The following MAPK10 variants were observed in gnomAD, a reference collection of about 807,000 sequenced individuals.
The protein encoded by MAPK10 is mitogen-activated protein kinase 10.
MAPK10 carries 25 observed loss-of-function variants against 59.3 expected under a neutral mutation model. The observed-to-expected ratio is 0.42, with a 90% confidence interval of 0.31 to 0.59. MAPK10 has a LOEUF of 0.59. Ranked by LOEUF, MAPK10 falls within the 20% of genes least tolerant of loss-of-function variation. The pLI is 0.15. For missense variants in MAPK10, 351 were observed against 568.9 expected, an observed-to-expected ratio of 0.62 and a Z score of 3.90; for synonymous variants, 190 against 200.5, an observed-to-expected ratio of 0.95 and a Z score of 0.44.
intron 1 of MAPK10, among the ~76,000 whole-genome samples, chr4:86,512,770 G>T (rs1289006929): frequency 1.3e-5 from 2 of 152,148 alleles, no homozygotes; most frequent in Non-Finnish European, 2.9e-5. Flanking sequence ...AAAACTAGAT[G>T]AATTTTAAGG....
intron 2 of MAPK10, among the ~76,000 whole-genome samples, chr4:86,209,651 A>C (rs1288244461): frequency 6.6e-6 from 1 of 152,090 alleles, no homozygotes; most frequent in African/African-American, 2.4e-5. Flanking sequence ...AAAAATAGTC[A>C]ATGTTTATGT....
intron 4 of MAPK10, among the ~76,000 whole-genome samples, chr4:86,143,596 A>G (rs2149186253): frequency 6.6e-6 from 1 of 152,326 alleles, no homozygotes; most frequent in African/African-American, 2.4e-5. Flanking sequence ...ACCCACAACC[A>G]GATTCTATTT....
chr4:86,100,853 A>G, intron 8 of MAPK10, 199 bp downstream of exon 8: 1 of 503,552 alleles, frequency 2.0e-6, no homozygotes. Flanking sequence ...TCTTCTAGCA[A>G]AACTGACTTC....
In MAPK10 at chr4:86,262,036, C is replaced by G. The variant is rs116826241; in HGVS notation, c.-6-67629G>C. On this transcript the variant is annotated intron_variant, in intron 2 of 13. Transcript: ENST00000641462. Reference sequence around the variant, plus strand: ...TTGTGAGTCTAATTATTTAATATAACTGCTATGATTTGTTGCGCTATGATT... The same window carrying G: ...TTGTGAGTCTAATTATTTAATATAAGTGCTATGATTTGTTGCGCTATGATT... 9.9e-3 allele frequency among the ~76,000 whole-genome samples: 1,507 copies of G among 152,300 alleles called. 26 individuals are homozygous for G. The highest frequency in any genetic ancestry group is 0.034 in the African/African-American group (1,416 of 41,560).
In MAPK10 at chr4:86,215,535, C is replaced by T. The variant is rs1027960537; in HGVS notation, c.-6-21128G>A. On this transcript the variant is annotated intron_variant, in intron 2 of 13. Transcript: ENST00000641462. ...TAAAAAGAAATTCAAATCCAAAATACGTAGAAACTAACACTAAATAATTTT... is the reference window on the plus strand; with the variant it reads ...TAAAAAGAAATTCAAATCCAAAATATGTAGAAACTAACACTAAATAATTTT... 9.2e-5 allele frequency among the ~76,000 whole-genome samples: 14 copies of T among 152,078 alleles called. No individual in the cohort carries two copies. In the South Asian group the frequency reaches 1.0e-3, roughly 11 times the overall value.
intron 2 of MAPK10, among the ~76,000 whole-genome samples, chr4:86,216,192 C>T (rs574338475): frequency 6.6e-6 from 1 of 151,384 alleles, no homozygotes; most frequent in Non-Finnish European, 1.5e-5. Context: ...GTATTATTCA[C>T]ACTAGCTAAA....
intron 3 of MAPK10, among the ~76,000 whole-genome samples, chr4:86,163,869 C>T (rs1366237851): frequency 6.6e-6 from 1 of 152,120 alleles, no homozygotes; most frequent in Non-Finnish European, 1.5e-5. Context: ...GGTATCAGCA[C>T]CTGAGCACTC....
At chr4:86,234,195 A>G (rs570596647) in intron 2 of MAPK10, among the ~76,000 whole-genome samples, 2 of 152,308 alleles carry the variant, frequency 1.3e-5, no homozygotes, top group East Asian at 3.9e-4. Flanking sequence ...ATAACAACAA[A>G]AAAATCTCCA....
chr4:86,228,730 TC>T (rs2091071316), intron 2 of MAPK10, among the ~76,000 whole-genome samples: 1 of 152,194 alleles, frequency 6.6e-6, no homozygotes, highest in Non-Finnish European at 1.5e-5. Context: ...AAATATCTGA[TC>T]CATGTTTGTA....
At chr4:86,375,122 G>T (rs1376280580) in intron 1 of MAPK10, among the ~76,000 whole-genome samples, 1 of 152,168 alleles carries the variant, frequency 6.6e-6, no homozygotes, top group East Asian at 1.9e-4. Context: ...ATAAAGCAAT[G>T]AATACTTGGA....
intron 1 of MAPK10, among the ~76,000 whole-genome samples, chr4:86,503,587 C>A (rs1248617473): frequency 6.6e-6 from 1 of 152,118 alleles, no homozygotes; most frequent in Non-Finnish European, 1.5e-5. Flanking sequence ...TCTTATTCAA[C>A]CAATAAGAAG....
intron 2 of MAPK10, among the ~76,000 whole-genome samples, chr4:86,210,315 A>T (rs774185869): frequency 1.3e-5 from 2 of 151,776 alleles, no homozygotes; most frequent in Non-Finnish European, 2.9e-5. Flanking sequence ...CAAAGGAAAC[A>T]GTCCATGAAG....
intron 3 of MAPK10, among the ~76,000 whole-genome samples, chr4:86,191,186 A>G (rs1247923720): frequency 6.6e-6 from 1 of 152,176 alleles, no homozygotes; most frequent in African/African-American, 2.4e-5. Context: ...ATTTTAGAAT[A>G]AATGCTATGT....
intron 2 of MAPK10, among the ~76,000 whole-genome samples, chr4:86,244,551 A>C (rs1320302518): frequency 6.6e-6 from 1 of 152,202 alleles, no homozygotes; most frequent in Non-Finnish European, 1.5e-5. Context: ...AGTTCTTAAT[A>C]ATAGCATCCT....
intron 2 of MAPK10, among the ~76,000 whole-genome samples, chr4:86,225,459 C>A (rs1330640634): frequency 1.3e-5 from 2 of 152,098 alleles, no homozygotes; most frequent in South Asian, 2.1e-4. Flanking sequence ...GAGAAGACTC[C>A]TGAAAGCTTG....
intron 2 of MAPK10, among the ~76,000 whole-genome samples, chr4:86,333,728 T>G (rs2096208643): frequency 6.6e-6 from 1 of 152,132 alleles, no homozygotes; most frequent in Non-Finnish European, 1.5e-5. Flanking sequence ...TTGGTGACAG[T>G]CTCTAAGTTA....
At chr4:86,458,461 C>T (rs1325458308) in intron 1 of MAPK10, among the ~76,000 whole-genome samples, 1 of 150,866 alleles carries the variant, frequency 6.6e-6, no homozygotes. Context: ...AACTCCATCT[C>T]AAAAACAAAA....
At chr4:86,092,037 G>A (rs1436968584) in intron 9 of MAPK10, among the ~76,000 whole-genome samples, 1 of 151,820 alleles carries the variant, frequency 6.6e-6, no homozygotes, top group Non-Finnish European at 1.5e-5. Flanking sequence ...TTGGTGTGGG[G>A]GATCTGGGAG....
chr4:86,358,139 A>C, intron 1 of MAPK10: 1 of 985,366 alleles, frequency 1.0e-6, no homozygotes, highest in Middle Eastern at 5.2e-4. Flanking sequence ...AATGGTTCTG[A>C]AGTGGAGTCA....
Sources: allele counts gnomAD v4.1 joint callset (sites outside exome capture counted in the v4.1 genomes callset), GRCh38; gene constraint gnomAD v4.1.1; transcripts MANE v1.5; gene names NCBI Gene and HGNC (gene_info 2026-07-23, HGNC 2026-07-21).